POC1B: variants seen among roughly 807,000 people sequenced by gnomAD.
The protein encoded by POC1B is POC1 centriolar protein homolog B.
A neutral mutation model predicts 60.6 loss-of-function variants in POC1B; 44 were observed. The observed-to-expected ratio is 0.73, with a 90% confidence interval of 0.57 to 0.93. The LOEUF is 0.93. Ranked by LOEUF, POC1B falls within the 40% of genes least tolerant of loss-of-function variation. The pLI is 0.00. For synonymous variants in POC1B, 180 were observed against 198.9 expected (o/e 0.90, Z 0.80); for missense variants, 555 against 572.3 (o/e 0.97, Z 0.31).
At chr12:89,405,250 C>T in the POC1B span, among the ~76,000 whole-genome samples, 3 of 151,074 alleles carry the variant, frequency 2.0e-5, no homozygotes, top group African/African-American at 7.2e-5. Flanking sequence ...ATGATATAGT[C>T]CCCTATTGAT....
At chr12:89,412,787 T>A in the POC1B span, among the ~76,000 whole-genome samples, 1 of 150,122 alleles carries the variant, frequency 6.7e-6, no homozygotes, top group South Asian at 2.1e-4. Context: ...CATGAAACCA[T>A]CAGAGGGAGA....
At chr12:89,404,915 GC>G in the POC1B span, among the ~76,000 whole-genome samples, 1 of 151,734 alleles carries the variant, frequency 6.6e-6, no homozygotes, top group African/African-American at 2.4e-5. Flanking sequence ...CTCTCCCACC[GC>G]CCCCTCTAAG....
At chr12:89,524,593 C>A in intron 2 of POC1B, 3 of 1,602,074 alleles carry the variant, frequency 1.9e-6, no homozygotes, top group Non-Finnish European at 2.6e-6. Flanking sequence ...ACCAAGCCAC[C>A]ACGCAGGGGA....
chr12:89,462,299 A>G (rs188609685), intron 9 of POC1B, among the ~76,000 whole-genome samples: 187 of 152,282 alleles, frequency 1.2e-3, no homozygotes, highest in Middle Eastern at 3.4e-3. Flanking sequence ...ATATTTATTA[A>G]AGGGAAGAAT....
Position 89,470,445 on chromosome 12 carries a change from A to G in POC1B, c.726T>C (p.Tyr242=). 6.2e-7 allele frequency: 1 copy of G among 1,608,108 alleles called. No homozygotes were observed. The highest frequency in any genetic ancestry group is 8.5e-7 in the Non-Finnish European group (1 of 1,175,586). The part of the protein sequence containing the change: ...NCISFHPSGN[Y]LITASSDGTL... ...TACCATCTGAAGAAGCTGTGATGAG[A>G]TAGTTACCCGAAGGATGGAATGATA... Residue 242 remains tyrosine (Y), a synonymous_variant, in exon 7 of 12, where the codon TAT becomes TAC. Coordinates refer to ENST00000313546, the MANE Select transcript of POC1B (RefSeq NM_172240.3).
At chr12:89,428,159 C>A (rs1337502267) in intron 10 of POC1B, 1 of 152,292 alleles carries the variant, frequency 6.6e-6, no homozygotes, top group African/African-American at 2.4e-5. Context: ...CATCCTCACC[C>A]CCAAACAAAT....
the POC1B span, among the ~76,000 whole-genome samples, chr12:89,405,536 G>GTCC: frequency 6.6e-6 from 1 of 152,088 alleles, no homozygotes. Flanking sequence ...CTAAACTCCA[G>GTCC]ATAATACATT....
intron 7 of POC1B, 74 bp from the exon 8 acceptor site, chr12:89,467,759 C>T (rs1342717438): frequency 8.6e-7 from 1 of 1,159,336 alleles, no homozygotes; most frequent in Non-Finnish European, 1.2e-6. Flanking sequence ...CTATGGATAT[C>T]AATTTCTCAT....
intron 4 of POC1B, among the ~76,000 whole-genome samples, chr12:89,480,833 C>T (rs1883305817): frequency 6.6e-6 from 1 of 152,196 alleles, no homozygotes; most frequent in Non-Finnish European, 1.5e-5. Context: ...ATCTCCTGAC[C>T]TTGTGATCTG....
At position 89,494,990 on chromosome 12, in the gene POC1B, C is replaced by T. The variant is rs546969333; in HGVS notation, c.272+2181G>A. Among the ~76,000 whole-genome samples, 8 of 152,320 alleles carry T rather than the reference C, an allele frequency of 5.3e-5. No homozygotes were observed. The South Asian group carries it at 1.0e-3, about 20-fold the overall frequency. ...CACAAAATGTGACAAATCATTGTTT[C>T]TGTAGTAAGTACTAAGGTTTTGTGA... On this transcript the variant is annotated intron_variant, in intron 3 of 11. Coordinates refer to ENST00000313546, the MANE Select transcript of POC1B (RefSeq NM_172240.3).
At chr12:89,519,926 G>GT (rs1264402386) in intron 2 of POC1B, 10 of 152,072 alleles carry the variant, frequency 6.6e-5, no homozygotes, top group African/African-American at 2.2e-4. Flanking sequence ...TCCTAAAACT[G>GT]TTTTTAAGCA....
At chr12:89,445,202 A>G (rs1220595106) in intron 10 of POC1B, among the ~76,000 whole-genome samples, 1 of 152,238 alleles carries the variant, frequency 6.6e-6, no homozygotes, top group Non-Finnish European at 1.5e-5. Flanking sequence ...TATAGATTCA[A>G]TGCCATTCCT....
chr12:89,423,036 A>C (rs1364018518), intron 11 of POC1B, among the ~76,000 whole-genome samples: 1 of 152,064 alleles, frequency 6.6e-6, no homozygotes, highest in East Asian at 1.9e-4. Context: ...ACAGGGTCTT[A>C]GTCTGTCACC....
chr12:89,482,699 A>G (rs992712646), intron 4 of POC1B, among the ~76,000 whole-genome samples: 1 of 152,194 alleles, frequency 6.6e-6, no homozygotes, highest in Non-Finnish European at 1.5e-5. Context: ...AATACTGCAC[A>G]CTGGGTAGCA....
intron 9 of POC1B, among the ~76,000 whole-genome samples, chr12:89,460,457 C>T (rs1882443960): frequency 6.6e-6 from 1 of 151,976 alleles, no homozygotes. Flanking sequence ...GAAATTAAAG[C>T]AAAATACCAC....
downstream of POC1B, among the ~76,000 whole-genome samples, chr12:89,415,815 ACT>A (rs1880354559): frequency 6.6e-6 from 1 of 152,222 alleles, no homozygotes; most frequent in African/African-American, 2.4e-5. Context: ...TGACAGTCGC[ACT>A]GTTAGAAAAT....
intron 4 of POC1B, among the ~76,000 whole-genome samples, chr12:89,487,340 A>G (rs1868692787): frequency 6.6e-6 from 1 of 152,242 alleles, no homozygotes; most frequent in African/African-American, 2.4e-5. Context: ...GGGAATAGGC[A>G]GACAGAAGTG....
chr12:89,501,748 G>A (rs1469011520), intron 2 of POC1B: 3 of 921,182 alleles, frequency 3.3e-6, no homozygotes, highest in Non-Finnish European at 5.4e-6. Flanking sequence ...AATAAGAAAT[G>A]AATTACCACT....
chr12:89,467,199 T>C (rs1315070868), intron 8 of POC1B, among the ~76,000 whole-genome samples: 2 of 152,066 alleles, frequency 1.3e-5, no homozygotes, highest in Admixed American at 6.6e-5. Context: ...CCCAAAACCA[T>C]GTTTTGGACT....
Sources: gnomAD v4.1 joint callset for allele counts (sites outside exome capture counted in the v4.1 genomes callset) on GRCh38, gnomAD v4.1.1 for gene constraint, MANE v1.5 for transcripts, NCBI Gene and HGNC (gene_info 2026-07-23, HGNC 2026-07-21) for gene names.